Variants in N4BP2 observed in about 807,000 individuals in gnomAD.
The protein encoded by N4BP2 is NEDD4-binding protein 2.
Under a neutral mutation model 152.8 loss-of-function variants are expected in N4BP2, and 91 were observed. That is an observed-to-expected ratio of 0.60 (90% CI 0.50 to 0.71). The LOEUF (loss-of-function observed/expected upper bound fraction) is 0.71, where lower values mean the gene tolerates loss of function less well. Among genes scored for constraint, N4BP2 ranks in the 30% least tolerant of loss-of-function variants. The pLI, the probability that N4BP2 is intolerant of heterozygous loss-of-function variation, is 0.00. For missense variants in N4BP2, 1,923 were observed against 2,059.1 expected, an observed-to-expected ratio of 0.93 and a Z score of 1.28; for synonymous variants, 646 against 705.3, an observed-to-expected ratio of 0.92 and a Z score of 1.33.
chr4:40,059,454 G>T (rs1244993181), intron 1 of N4BP2, among the ~76,000 whole-genome samples: 2 of 151,836 alleles, frequency 1.3e-5, no homozygotes, highest in African/African-American at 4.9e-5. Flanking sequence ...GTGCAGTGGC[G>T]CTATCTTGTC....
At chr4:40,090,589 G>A (rs1714431376) in intron 2 of N4BP2, among the ~76,000 whole-genome samples, 1 of 152,056 alleles carries the variant, frequency 6.6e-6, no homozygotes, top group South Asian at 2.1e-4. Flanking sequence ...ACGTCATTCT[G>A]TTATAATGTT....
the N4BP2 span, chr4:40,167,780 A>G: frequency 2.6e-5 from 4 of 152,244 alleles, no homozygotes; most frequent in Non-Finnish European, 5.9e-5. Context: ...GATGATGATG[A>G]AATGACTGAA....
intron 2 of N4BP2, among the ~76,000 whole-genome samples, chr4:40,078,712 T>A (rs7675677): frequency 6.6e-6 from 1 of 151,554 alleles, no homozygotes; most frequent in African/African-American, 2.4e-5. Context: ...ATTTTTTTGT[T>A]GAGACAGGTT....
chr4:40,136,871 A>T, intron 13 of N4BP2, 73 bp from the exon 14 acceptor site: 1 of 1,123,490 alleles, frequency 8.9e-7, no homozygotes, highest in Non-Finnish European at 1.3e-6. Flanking sequence ...ATGTTTGAAG[A>T]TTGCTTGTGT....
intron 14 of N4BP2, among the ~76,000 whole-genome samples, chr4:40,138,182 T>G (rs1164407991): frequency 6.6e-6 from 1 of 152,262 alleles, no homozygotes; most frequent in Non-Finnish European, 1.5e-5. Context: ...ATTTCCTTGA[T>G]GACTATTGAT....
At chr4:40,087,056 A>C (rs1714040897) in intron 2 of N4BP2, among the ~76,000 whole-genome samples, 1 of 152,048 alleles carries the variant, frequency 6.6e-6, no homozygotes, top group Non-Finnish European at 1.5e-5. Flanking sequence ...GTGTAATTAC[A>C]TTTTTTGCTA....
intron 1 of N4BP2, 150 bp from the exon 2 acceptor site, chr4:40,073,305 A>G (rs1712394879): frequency 6.6e-6 from 1 of 152,144 alleles, no homozygotes; most frequent in South Asian, 2.1e-4. Flanking sequence ...AGTGGCAATA[A>G]GTGCAGTCTT....
At position 40,102,312 on chromosome 4, in the gene N4BP2, C is replaced by T; in HGVS notation, c.467C>T (p.Ser156Phe). The T allele has an allele frequency of 6.2e-7, 1 of 1,613,334 alleles. No homozygotes were observed. Among genetic ancestry groups the T allele is most frequent in the Non-Finnish European group, 8.5e-7 (1 of 1,179,714 alleles). ...IQNAFEKLNS[S>F]PDDQVYSFLP... ...AATGCTTTTGAGAAATTGAACTCTT[C>T]TCCTGATGACCAAGTATACTCATTT... Residue 156 changes from serine (S) to phenylalanine (F), a missense_variant, in exon 4 of 18, where the codon TCT becomes TTT. Ser to Phe is a radical substitution (Grantham distance 155). Transcript: ENST00000261435.
chr4:40,113,355 GCT>G lies in N4BP2; in HGVS notation c.1588-76_1588-75del, dbSNP rs1209113076. 45 of 1,059,790 alleles carry G rather than the reference GCT, an allele frequency of 4.2e-5. No homozygotes were observed. In the East Asian group the frequency reaches 1.1e-3, roughly 26 times the overall value. 65.6% of individuals were successfully genotyped at this position (1,059,790 alleles called of 1,614,324 possible). ...ATTAGATAATCTTTACGTTTTACAT[GCT>G]ATATATTTGGAAACAATAATTTTAA... is the stretch of plus-strand genomic sequence containing the variant. On this transcript the variant is annotated intron_variant, in intron 6 of 17. Transcript: ENST00000261435.
At chr4:40,078,781 G>A (rs1465741241) in intron 2 of N4BP2, among the ~76,000 whole-genome samples, 1 of 151,964 alleles carries the variant, frequency 6.6e-6, no homozygotes, top group East Asian at 1.9e-4. Flanking sequence ...GCCCACTGTG[G>A]CCTCCCAAAG....
In N4BP2 at chr4:40,104,807, C is replaced by CTT. The variant is rs397976537; in HGVS notation, c.1373+1602_1373+1603dup. Among the ~76,000 whole-genome samples the CTT allele has an allele frequency of 1.1e-3, 160 of 142,546 alleles. 1 individual carries two copies. The highest frequency in any genetic ancestry group is 8.5e-3 in the East Asian group (41 of 4,840). 93.5% of individuals were successfully genotyped at this position (142,546 alleles called of 152,430 possible). On this transcript the variant is annotated intron_variant, in intron 4 of 17. Coordinates refer to ENST00000261435, the MANE Select transcript of N4BP2 (RefSeq NM_018177.6). ...TGTTGAGACATAGAACCTGCGTTGT[C>CTT]TTTTTTTTTTTTTTGGAGACAGAGT...
At chr4:40,081,336 A>T (rs1381805332) in intron 2 of N4BP2, among the ~76,000 whole-genome samples, 2 of 152,006 alleles carry the variant, frequency 1.3e-5, no homozygotes, top group Non-Finnish European at 2.9e-5. Context: ...TTCATTTCTA[A>T]CATTCTCTTT....
intron 9 of N4BP2, among the ~76,000 whole-genome samples, chr4:40,122,563 A>G (rs542507499): frequency 6.6e-6 from 1 of 152,268 alleles, no homozygotes; most frequent in African/African-American, 2.4e-5. Context: ...TGATTGTAAA[A>G]TTATATTCTA....
chr4:40,062,687 TGAAGGGGTCA>T (rs1733760579), intron 1 of N4BP2, among the ~76,000 whole-genome samples: 1 of 152,212 alleles, frequency 6.6e-6, no homozygotes, highest in Admixed American at 6.6e-5. Context: ...TATTTCTCCC[TGAAGGGGTCA>T]GAGTTCTTAA....
At position 40,146,164 on chromosome 4, in the gene N4BP2, A is replaced by AAAAT. The variant is rs554299570; in HGVS notation, c.5143+1388_5143+1391dup. Reference sequence around the variant, plus strand: ...GGTGACAGAGCGAGACTCTTTCTCAAAAATAAATAAATAAATAAATAAATA... The same window carrying AAAAT: ...GGTGACAGAGCGAGACTCTTTCTCAAAAATAAATAAATAAATAAATAAATAAATA... On this transcript the variant is annotated intron_variant, in intron 16 of 17. Transcript: ENST00000261435. Among the ~76,000 whole-genome samples the AAAAT allele has an allele frequency of 8.4e-3, 1,270 of 151,858 alleles. 6 individuals are homozygous for AAAAT. Among genetic ancestry groups the AAAAT allele is most frequent in the Admixed American group, 0.011 (173 of 15,222 alleles).
chr4:40,179,246 T>C, the N4BP2 span, among the ~76,000 whole-genome samples: 4 of 152,086 alleles, frequency 2.6e-5, no homozygotes, highest in African/African-American at 9.7e-5. Context: ...GGCTGACGCC[T>C]GTAGTCCCAG....
At chr4:40,085,899 A>G (rs1578987347) in intron 2 of N4BP2, among the ~76,000 whole-genome samples, 1 of 151,994 alleles carries the variant, frequency 6.6e-6, no homozygotes, top group Admixed American at 6.6e-5. Flanking sequence ...TGCTGCTCAC[A>G]CCTGTAATCC....
Position 40,121,662 on chromosome 4 carries a change from G to A in N4BP2, c.3551G>A (p.Gly1184Asp). 2 of 1,614,130 alleles carry A rather than the reference G, an allele frequency of 1.2e-6. No individual in the cohort carries two copies. The highest frequency in any genetic ancestry group is 2.2e-5 in the South Asian group (2 of 91,084). ...SPVPEFSHGI[G>D]ISNADSQSTC... is the part of the protein sequence containing the mutation. Reference sequence around the variant, plus strand: ...GTGCCAGAGTTTAGCCATGGGATTGGTATTAGTAACGCTGACTCACAGTCT... The same window carrying A: ...GTGCCAGAGTTTAGCCATGGGATTGATATTAGTAACGCTGACTCACAGTCT... The change falls in exon 9 of 18, where the codon GGT (glycine) becomes GAT (aspartate). Residue 1184 changes from glycine to aspartate, a missense_variant. By Grantham distance (94) the Gly-to-Asp change is moderately conservative. Coordinates refer to ENST00000261435, the MANE Select transcript of N4BP2 (RefSeq NM_018177.6).
In N4BP2 at chr4:40,121,990, T is replaced by C. The variant is rs749577478; in HGVS notation, c.3879T>C (p.Ser1293=). The C allele has an allele frequency of 3.2e-6, 5 of 1,547,708 alleles. No homozygotes were observed. In the Admixed American group the frequency reaches 8.2e-5, roughly 25 times the overall value. ...CTGATATTTTTAACTTTGTATCTAG[T>C]ACTTCAAATCTTGAATTAAATGAAG... ...HFSDIFNFVS[S]TSNLELNEEI... Residue 1293 remains serine (S), a synonymous_variant, in exon 9 of 18, where the codon AGT becomes AGC. Coordinates refer to ENST00000261435, the MANE Select transcript of N4BP2 (RefSeq NM_018177.6).
Sources: gnomAD v4.1 joint callset for allele counts (sites outside exome capture counted in the v4.1 genomes callset) on GRCh38, gnomAD v4.1.1 for gene constraint, MANE v1.5 for transcripts, NCBI Gene and HGNC (gene_info 2026-07-23, HGNC 2026-07-21) for gene names.